Variants in FERMT1 observed in about 807,000 individuals in gnomAD.
FERMT1 encodes FERM domain containing kindlin 1.
In FERMT1, 60 loss-of-function variants were observed where a neutral mutation model predicts 85.3. The ratio of observed to expected loss-of-function variants is 0.70; its 90% CI spans 0.57 to 0.87. The LOEUF is 0.87. FERMT1 is among the 40% of genes least tolerant of loss of function. FERMT1 has a pLI of 0.00. For missense variants in FERMT1, 701 were observed against 818.9 expected, an observed-to-expected ratio of 0.86 and a Z score of 1.76; for synonymous variants, 275 against 301.1, an observed-to-expected ratio of 0.91 and a Z score of 0.90.
intron 13 of FERMT1, among the ~76,000 whole-genome samples, chr20:6,083,712 A>C (rs1363851368): frequency 1.3e-5 from 2 of 151,666 alleles, no homozygotes; most frequent in Non-Finnish European, 2.9e-5. Flanking sequence ...AAAACAAAAA[A>C]AAAAAAACCG....
At position 6,097,004 on chromosome 20, in the gene FERMT1, A is replaced by G. The variant is rs1181238110; in HGVS notation, c.987T>C (p.Ala329=). ...ACTCGCCTGCAAAATCCTGTGTTTC[A>G]GCAGACAACGACAGTTTGCTAATGT... ...QYHISKLSLS[A]ETQDFAGESE... The change falls in exon 8 of 15, where the codon GCT becomes GCC. Residue 329 remains alanine (A), a synonymous_variant. Transcript: ENST00000217289. 2.5e-6 allele frequency: 4 copies of G among 1,613,894 alleles called. No homozygotes were observed. In the African/African-American group the frequency reaches 5.3e-5, roughly 22 times the overall value.
Position 6,112,519 on chromosome 20 carries a change from T to A in FERMT1, c.490A>T (p.Ile164Phe). 6.2e-7 allele frequency: 1 copy of A among 1,613,458 alleles called. No individual in the cohort carries two copies. The highest frequency in any genetic ancestry group is 8.5e-7 in the Non-Finnish European group (1 of 1,179,610). The change falls in exon 4 of 15, where the codon ATT (isoleucine) becomes TTT (phenylalanine). Residue 164 changes from isoleucine to phenylalanine, a missense_variant. By Grantham distance (21) the Ile-to-Phe change is conservative. Transcript: ENST00000217289. ...GTTGGAGAACTCTCCAGGTTTAGAA[T>A]ATCTTCAATTATGGGTTCCTTATTA... ...KNNKEPIIED[I>F]LNLESSPTAS...
chr20:6,119,719 A>T, intron 1 of FERMT1, 147 bp from the exon 2 acceptor site: 4 of 649,060 alleles, frequency 6.2e-6, no homozygotes, highest in Non-Finnish European at 7.8e-6. Context: ...GGTGCTCCAG[A>T]TATCAAATTT....
intron 8 of FERMT1, among the ~76,000 whole-genome samples, chr20:6,096,419 G>T (rs796277392): frequency 3.3e-4 from 50 of 152,272 alleles, no homozygotes; most frequent in African/African-American, 1.2e-3. Flanking sequence ...CAGCTACTCC[G>T]GAGGCTGAGA....
chr20:6,078,648 T>TTG (rs2123087349), intron 14 of FERMT1, among the ~76,000 whole-genome samples: 1 of 131,270 alleles, frequency 7.6e-6, no homozygotes, highest in African/African-American at 2.9e-5. Context: ...TTTTTTTTGT[T>TTG]TTTTTTTTTT....
chr20:6,115,680 G>T (rs1293028799), intron 3 of FERMT1, 131 bp downstream of exon 3: 8 of 753,322 alleles, frequency 1.1e-5, no homozygotes, highest in Non-Finnish European at 1.6e-5. Context: ...ACCCAGAAGG[G>T]CTTAAACATG....
chr20:6,079,320 C>G (rs1981927410), intron 14 of FERMT1, 116 bp downstream of exon 14: 1 of 1,105,738 alleles, frequency 9.0e-7, no homozygotes, highest in Admixed American at 1.7e-5. Context: ...TTACCATATG[C>G]TTGTGGTTTC....
intron 6 of FERMT1, among the ~76,000 whole-genome samples, chr20:6,105,722 A>G (rs1056542706): frequency 6.6e-6 from 1 of 152,242 alleles, no homozygotes; most frequent in Non-Finnish European, 1.5e-5. Context: ...AATATACAAC[A>G]GTTTTGAGTT....
chr20:6,079,361 A>G (rs1488408197), intron 14 of FERMT1, 75 bp downstream of exon 14: 2 of 1,464,200 alleles, frequency 1.4e-6, no homozygotes, highest in Non-Finnish European at 1.9e-6. Context: ...ACCTTTTAAA[A>G]CTCAGAATAA....
chr20:6,085,843 T>C (rs1982166411), intron 11 of FERMT1, among the ~76,000 whole-genome samples: 1 of 136,008 alleles, frequency 7.4e-6, no homozygotes, highest in African/African-American at 2.8e-5. Context: ...AACAATACTT[T>C]GTCAAAAAAA....
At chr20:6,121,397 G>A (rs1414100014) in intron 1 of FERMT1, among the ~76,000 whole-genome samples, 1 of 152,212 alleles carries the variant, frequency 6.6e-6, no homozygotes. Context: ...TGGCATTACA[G>A]GCGTGGGCCA....
chr20:6,093,811 C>T (rs1982428505), intron 9 of FERMT1, among the ~76,000 whole-genome samples: 1 of 152,140 alleles, frequency 6.6e-6, no homozygotes, highest in Non-Finnish European at 1.5e-5. Context: ...CAAAATGTAG[C>T]CAGGCGTGAT....
Position 6,115,946 on chromosome 20 carries a change from C to T in FERMT1, c.250G>A (p.Ala84Thr), listed in dbSNP as rs188529776. Residue 84 changes from alanine to threonine, a missense_variant, in exon 3 of 15, where the codon GCA becomes ACA. Ala to Thr is a moderately conservative substitution (Grantham distance 58, BLOSUM62 0). Transcript: ENST00000217289. The part of the protein sequence containing the change: ...HWTLDKYGVQ[A>T]DAKLLFTPQH... ...GGGGTGAAGAGAAGCTTTGCATCTGCCTGGACCCCATATTTGTCCAGGGTC... is the reference window on the plus strand; with the variant it reads ...GGGGTGAAGAGAAGCTTTGCATCTGTCTGGACCCCATATTTGTCCAGGGTC... The T allele has an allele frequency of 1.1e-5, 18 of 1,614,156 alleles. No homozygotes were observed. In the East Asian group the frequency reaches 3.8e-4, roughly 34 times the overall value.
At chr20:6,113,413 A>G (rs4419295) in intron 3 of FERMT1, among the ~76,000 whole-genome samples, 11,730 of 152,216 alleles carry the variant, frequency 0.077, 1,023 homozygotes, top group East Asian at 0.46. Flanking sequence ...TTAAACAACC[A>G]ACAAAGGTCC....
At chr20:6,100,672 C>T (rs1982638049) in intron 6 of FERMT1, among the ~76,000 whole-genome samples, 1 of 152,104 alleles carries the variant, frequency 6.6e-6, no homozygotes, top group Non-Finnish European at 1.5e-5. Context: ...TAGATGGACA[C>T]ATGAGGGAAT....
intron 6 of FERMT1, among the ~76,000 whole-genome samples, chr20:6,100,394 G>A (rs937527738): frequency 1.1e-4 from 16 of 152,208 alleles, no homozygotes; most frequent in Admixed American, 3.3e-4. Context: ...TTCCAGAATA[G>A]GCAAATCCAC....
At chr20:6,094,325 T>C (rs1457124758) in intron 9 of FERMT1, among the ~76,000 whole-genome samples, 1 of 152,232 alleles carries the variant, frequency 6.6e-6, no homozygotes, top group Non-Finnish European at 1.5e-5. Flanking sequence ...ATTATTTCCA[T>C]GGAAAAATAA....
intron 1 of FERMT1, among the ~76,000 whole-genome samples, chr20:6,121,160 T>C (rs1010702077): frequency 1.4e-4 from 22 of 152,228 alleles, no homozygotes; most frequent in Non-Finnish European, 2.8e-4. Context: ...TCTTGCTCTG[T>C]CACCCAGGCT....
At chr20:6,109,936 A>C (rs548856432) in intron 5 of FERMT1, among the ~76,000 whole-genome samples, 1 of 150,856 alleles carries the variant, frequency 6.6e-6, no homozygotes, top group East Asian at 1.9e-4. Flanking sequence ...GTGACATTCT[A>C]CAAAAGACAA....
Sources: allele counts gnomAD v4.1 joint callset (sites outside exome capture counted in the v4.1 genomes callset), GRCh38; gene constraint gnomAD v4.1.1; transcripts MANE v1.5; gene names NCBI Gene and HGNC (gene_info 2026-07-23, HGNC 2026-07-21).